The following ITGA6 variants were observed in gnomAD, a reference collection of about 807,000 sequenced individuals.
ITGA6 encodes the protein integrin subunit alpha 6, also known as integrin alpha-6.
ITGA6 carries 63 observed loss-of-function variants against 133.6 expected under a neutral mutation model. The ratio of observed to expected loss-of-function variants is 0.47; its 90% CI spans 0.38 to 0.58. ITGA6 has a LOEUF of 0.58. Among genes scored for constraint, ITGA6 ranks in the 20% least tolerant of loss-of-function variants. The pLI, the probability that ITGA6 is intolerant of heterozygous loss-of-function variation, is 0.00. For synonymous variants in ITGA6, 434 were observed against 482.0 expected, an observed-to-expected ratio of 0.90 and a Z score of 1.30; for missense variants, 1,068 against 1,309.4, an observed-to-expected ratio of 0.82 and a Z score of 2.85.
rs1686923681 is a variant in ITGA6 at position 172,491,425 on chromosome 2, G to A, written c.2890G>A (p.Glu964Lys). The A allele has an allele frequency of 6.2e-7, 1 of 1,611,886 alleles. No individual in the cohort carries two copies. Among genetic ancestry groups the A allele is most frequent in the Non-Finnish European group, 8.5e-7 (1 of 1,178,002 alleles). ...TAATGCATTCACTGTCTCCAAACAG[G>A]AATATTCCAAACTGAACTACTTGGA... ...SRLWNSTFLEEYSKLNYLDIL... is the reference protein window; with the variant it reads ...SRLWNSTFLEKYSKLNYLDIL... Residue 964 changes from glutamate (E) to lysine (K), a missense_variant and splice_region_variant, in exon 23 of 26, where the codon GAA (glutamate) becomes AAA (lysine). Coordinates refer to ENST00000684293, the MANE Select transcript of ITGA6 (RefSeq NM_000210.4). This position sits in a 1 kb window ranked among gnomAD's most constrained non-coding sequence, Gnocchi z 4.4.
intron 3 of ITGA6, 177 bp from the exon 4 acceptor site, chr2:172,468,948 T>C: frequency 3.1e-6 from 2 of 644,240 alleles, no homozygotes; most frequent in Non-Finnish European, 5.5e-6. Flanking sequence ...TTCATAATGG[T>C]CTCCTTAGTG....
chr2:172,465,513 C>T (rs1227709479), intron 1 of ITGA6, 26 bp from the exon 2 acceptor site: 3 of 1,613,768 alleles, frequency 1.9e-6, no homozygotes, highest in Non-Finnish European at 2.5e-6. Context: ...ATTCAAATCT[C>T]CAAATTGTCT....
chr2:172,496,838 G>A (rs12693002), intron 23 of ITGA6, among the ~76,000 whole-genome samples: 29,193 of 151,998 alleles, frequency 0.19, 3,925 homozygotes, highest in African/African-American at 0.39. Flanking sequence ...TGTTGGAATT[G>A]CCAGAAGCAG....
chr2:172,490,545 T>G (rs1686878582), intron 20 of ITGA6, among the ~76,000 whole-genome samples: 1 of 152,264 alleles, frequency 6.6e-6, no homozygotes, highest in South Asian at 2.1e-4. Context: ...AATGCAATTT[T>G]AAAAGTTCTT....
chr2:172,458,362 C>T (rs1005782997), intron 1 of ITGA6, among the ~76,000 whole-genome samples: 10 of 151,850 alleles, frequency 6.6e-5, no homozygotes, highest in Non-Finnish European at 1.5e-4. Context: ...GTCTCAGCCT[C>T]CCAGATAGCT....
At position 172,467,533 on chromosome 2, in the gene ITGA6, G is replaced by C. The variant is rs1172937684; in HGVS notation, c.360G>C (p.Gln120His). ...ATCAGTGGATGGGGGTCACCGTCCA[G>C]AGCCAAGGTCCAGGGGGCAAGGTCG... is the stretch of plus-strand genomic sequence containing the variant. ...KEDQWMGVTV[Q>H]SQGPGGKVVT... Residue 120 changes from glutamine to histidine, a missense_variant, in exon 3 of 26, where the codon CAG (glutamine) becomes CAC (histidine). Gln to His is a conservative substitution (Grantham distance 24, BLOSUM62 0). This residue lies in a region of ITGA6 where 317 missense variants were observed against 456.9 expected (regional missense o/e 0.69). Coordinates refer to ENST00000684293, the MANE Select transcript of ITGA6 (RefSeq NM_000210.4). 1 of 1,613,690 alleles carries C rather than the reference G, an allele frequency of 6.2e-7. No individual in the cohort carries two copies. Among genetic ancestry groups the C allele is most frequent in the African/African-American group, 1.3e-5 (1 of 74,920 alleles).
chr2:172,473,793 T>G (rs1463454223), intron 5 of ITGA6, among the ~76,000 whole-genome samples: 1 of 152,218 alleles, frequency 6.6e-6, no homozygotes, highest in Non-Finnish European at 1.5e-5. Context: ...GTATGAATAC[T>G]TCAAAATTCA....
chr2:172,500,542 A>G (rs1361251956), intron 24 of ITGA6, among the ~76,000 whole-genome samples: 1 of 152,190 alleles, frequency 6.6e-6, no homozygotes, highest in African/African-American at 2.4e-5. Context: ...AGGCAGGAGA[A>G]TGGTGTGAAC....
chr2:172,454,818 C>T (rs1291923274), intron 1 of ITGA6, among the ~76,000 whole-genome samples: 1 of 152,152 alleles, frequency 6.6e-6, no homozygotes, highest in Non-Finnish European at 1.5e-5. Flanking sequence ...AAGAGGGAGA[C>T]TTGAAGATGC....
At chr2:172,452,463 C>T (rs930645716) in intron 1 of ITGA6, among the ~76,000 whole-genome samples, 1 of 152,108 alleles carries the variant, frequency 6.6e-6, no homozygotes, top group Non-Finnish European at 1.5e-5. Context: ...GGATTGGGGG[C>T]TGGGCACGTG....
rs573392087 is a variant in ITGA6, at chr2:172,502,758, T to C, written c.*22+857T>C. ...CAAGTTTCTCTTATTTGGAAATACA[T>C]GGAAATAGGAATTGCTAGTGATCCC... On this transcript the variant is annotated intron_variant, in intron 25 of 25. Transcript: ENST00000684293. 3.3e-5 allele frequency among the ~76,000 whole-genome samples: 5 copies of C among 152,344 alleles called. No individual in the cohort carries two copies. The South Asian group carries it at 8.3e-4, about 25-fold the overall frequency.
At chr2:172,498,705 C>A (rs180676844) in intron 24 of ITGA6, among the ~76,000 whole-genome samples, 5 of 152,240 alleles carry the variant, frequency 3.3e-5, no homozygotes, top group African/African-American at 9.6e-5. Context: ...AGTAAAGAGT[C>A]TACATTATGA....
At chr2:172,465,102 G>A (rs1685594269) in intron 1 of ITGA6, 2 of 253,098 alleles carry the variant, frequency 7.9e-6, no homozygotes, top group Non-Finnish European at 1.6e-5. Context: ...AAGGCACAGT[G>A]TTAGAAACTG....
At chr2:172,488,330 T>C (rs1686779697) in intron 19 of ITGA6, 102 bp downstream of exon 19, 1 of 834,828 alleles carries the variant, frequency 1.2e-6, no homozygotes, top group Non-Finnish European at 2.0e-6. Flanking sequence ...TTAATAAGCA[T>C]TGTAAGTAAA....
Position 172,465,559 on chromosome 2 carries a change from G to A in ITGA6, c.203G>A (p.Arg68Gln), listed in dbSNP as rs773979811. The change falls in exon 2 of 26, where the codon CGG becomes CAG. Residue 68 changes from arginine to glutamine, a missense_variant. Arg to Gln is a conservative substitution (Grantham distance 43). Transcript: ENST00000684293. ...AACAGGTTGCTCGTGGGGGCCCCGC[G>A]GGCAGAAGCGCTTCCACTGCAGAGA... ...DKRLLLVGAP[R>Q]AEALPLQRAN... is the part of the protein sequence containing the mutation. 1.9e-6 allele frequency: 3 copies of A among 1,614,222 alleles called. No homozygotes were observed. Among genetic ancestry groups the A allele is most frequent in the Admixed American group, 1.7e-5 (1 of 60,034 alleles).
Position 172,427,723 on chromosome 2 carries a change from T to C in ITGA6, c.-66T>C. ...CTGCGGTAGCAGCAGCGCGGCAGCC[T>C]CGGACCCAGCCCGGAGCGCAGGGCG... On this transcript the variant is annotated 5_prime_UTR_variant, in exon 1 of 26. Coordinates refer to ENST00000684293, the MANE Select transcript of ITGA6 (RefSeq NM_000210.4). The C allele has an allele frequency of 6.8e-7, 1 of 1,469,680 alleles. No homozygotes were observed. Among genetic ancestry groups the C allele is most frequent in the Non-Finnish European group, 9.0e-7 (1 of 1,110,636 alleles). 91.0% of individuals were successfully genotyped at this position (1,469,680 alleles called of 1,614,324 possible).
intron 11 of ITGA6, among the ~76,000 whole-genome samples, chr2:172,483,757 G>A (rs1053576366): frequency 6.6e-6 from 1 of 152,074 alleles, no homozygotes; most frequent in African/African-American, 2.4e-5. Flanking sequence ...TATGCTGACC[G>A]ACAGGCCCTC....
chr2:172,432,707 C>T (rs1684152472), intron 1 of ITGA6, among the ~76,000 whole-genome samples: 1 of 152,234 alleles, frequency 6.6e-6, no homozygotes, highest in African/African-American at 2.4e-5. Flanking sequence ...TAAATTTCAC[C>T]TGGCTTTTGC....
intron 1 of ITGA6, among the ~76,000 whole-genome samples, chr2:172,451,181 T>A (rs1443727670): frequency 6.8e-6 from 1 of 147,138 alleles, no homozygotes; most frequent in Non-Finnish European, 1.5e-5. Context: ...TAAATAAAAA[T>A]AGGGAAGGAG....
Sources: allele counts gnomAD v4.1 joint callset (sites outside exome capture counted in the v4.1 genomes callset), GRCh38; gene constraint gnomAD v4.1.1; regional missense constraint gnomAD v4.1.1; non-coding constraint Gnocchi (gnomAD v3.1); transcripts MANE v1.5; gene names NCBI Gene and HGNC (gene_info 2026-07-23, HGNC 2026-07-21).